Variants in CREB5 observed in about 807,000 individuals in gnomAD.
The protein encoded by CREB5 is cAMP responsive element binding protein 5, also known as cyclic AMP-responsive element-binding protein 5.
In CREB5, 19 loss-of-function variants were observed where a neutral mutation model predicts 57.1. The observed-to-expected ratio is 0.33, with a 90% CI of 0.23 to 0.49. The LOEUF (loss-of-function observed/expected upper bound fraction) is 0.49, where lower values mean the gene tolerates loss of function less well. Ranked by LOEUF, CREB5 falls within the 20% of genes least tolerant of loss-of-function variation. The pLI, the probability that CREB5 is intolerant of heterozygous loss-of-function variation, is 0.99. For missense variants in CREB5, 579 were observed against 671.6 expected, an observed-to-expected ratio of 0.86 and a Z score of 1.52; for synonymous variants, 238 against 238.3, an observed-to-expected ratio of 1.00 and a Z score of 0.01.
chr7:28,715,672 G>A (rs1487830407), intron 5 of CREB5, among the ~76,000 whole-genome samples: 2 of 152,056 alleles, frequency 1.3e-5, no homozygotes, highest in Non-Finnish European at 2.9e-5. Flanking sequence ...TTCAGTTTTT[G>A]TAGTTTTAAA....
intron 7 of CREB5, among the ~76,000 whole-genome samples, chr7:28,733,495 A>G (rs1056777310): frequency 6.6e-6 from 1 of 152,282 alleles, no homozygotes; most frequent in African/African-American, 2.4e-5. Context: ...CTAGACTTGC[A>G]TACAATCCCT....
chr7:28,416,073 T>G (rs42717), intron 1 of CREB5, among the ~76,000 whole-genome samples: 151,771 of 152,310 alleles, frequency 1, 75,617 homozygotes, highest in East Asian at 1. Flanking sequence ...TGATATTTAG[T>G]CTGTGCTGTA....
intron 5 of CREB5, among the ~76,000 whole-genome samples, chr7:28,709,357 A>G (rs1207435558): frequency 2.6e-5 from 4 of 152,232 alleles, no homozygotes; most frequent in Non-Finnish European, 5.9e-5. Flanking sequence ...ATAGTACATT[A>G]GAAACCAATC....
intron 1 of CREB5, among the ~76,000 whole-genome samples, chr7:28,353,817 T>G (rs1395929445): frequency 7.0e-5 from 7 of 100,266 alleles, no homozygotes; most frequent in South Asian, 3.4e-4. Flanking sequence ...CACTCCAGCC[T>G]GGGGAACAAA....
intron 7 of CREB5, among the ~76,000 whole-genome samples, chr7:28,732,154 T>C (rs1356704329): frequency 6.6e-6 from 1 of 151,974 alleles, no homozygotes; most frequent in Non-Finnish European, 1.5e-5. Context: ...CCCTACCTTC[T>C]CCACCCTCAC....
At chr7:28,422,363 T>C (rs1788305782) in intron 1 of CREB5, among the ~76,000 whole-genome samples, 1 of 152,008 alleles carries the variant, frequency 6.6e-6, no homozygotes, top group African/African-American at 2.4e-5. Context: ...TCTCAGAAAT[T>C]AGTGACCTCC....
chr7:28,660,632 TA>T (rs1014343535), intron 5 of CREB5, among the ~76,000 whole-genome samples: 1 of 151,922 alleles, frequency 6.6e-6, no homozygotes, highest in Non-Finnish European at 1.5e-5. Flanking sequence ...AGTCCTATAG[TA>T]AAAAAAAGTC....
chr7:28,366,688 C>T (rs1192999848), intron 1 of CREB5, among the ~76,000 whole-genome samples: 1 of 152,184 alleles, frequency 6.6e-6, no homozygotes, highest in East Asian at 1.9e-4. Context: ...AAGTTCTCCT[C>T]CAATTTTCTG....
chr7:28,790,634 C>T (rs1411707450), intron 7 of CREB5, among the ~76,000 whole-genome samples: 3 of 152,190 alleles, frequency 2.0e-5, no homozygotes, highest in Non-Finnish European at 4.4e-5. Flanking sequence ...CAGACCAGAA[C>T]CAAGTGGTGA....
intron 3 of CREB5, among the ~76,000 whole-genome samples, chr7:28,498,432 C>T (rs1483978651): frequency 1.3e-5 from 2 of 152,116 alleles, no homozygotes; most frequent in Admixed American, 6.5e-5. Context: ...TGGAAAATCA[C>T]TTTATCCTTA....
intron 4 of CREB5, among the ~76,000 whole-genome samples, chr7:28,547,182 G>A (rs1460418683): frequency 6.6e-6 from 1 of 152,194 alleles, no homozygotes; most frequent in African/African-American, 2.4e-5. Flanking sequence ...AGAATATAGG[G>A]ACATTTAGTC....
intron 3 of CREB5, among the ~76,000 whole-genome samples, chr7:28,499,462 C>T (rs934378374): frequency 3.3e-5 from 5 of 151,970 alleles, no homozygotes; most frequent in Admixed American, 2.6e-4. Context: ...GATTGTGTTG[C>T]CTGGAGGGAG....
At chr7:28,693,382 G>A (rs1424738355) in intron 5 of CREB5, among the ~76,000 whole-genome samples, 2 of 152,224 alleles carry the variant, frequency 1.3e-5, no homozygotes, top group Non-Finnish European at 2.9e-5. Flanking sequence ...GCAAATCAAA[G>A]ATCTTGAATT....
intron 1 of CREB5, among the ~76,000 whole-genome samples, chr7:28,425,074 T>C (rs1037184108): frequency 3.9e-5 from 6 of 152,198 alleles, no homozygotes; most frequent in African/African-American, 1.4e-4. Context: ...GTTGTACAGA[T>C]TGTTTTGTCA....
Position 28,600,934 on chromosome 7 carries a change from C to G in CREB5, c.464+30397C>G, listed in dbSNP as rs113388220. On this transcript the variant is annotated intron_variant, in intron 5 of 10. Transcript: ENST00000357727. The stretch of plus-strand genomic sequence containing the variant: ...ACAGCCTCTTTGGCTTCCCTGCCCC[C>G]CTAAGATTTTCGTAAAGGATCATGT... Among the ~76,000 whole-genome samples, 69 of 152,218 alleles carry G rather than the reference C, an allele frequency of 4.5e-4. 2 individuals carry two copies. Among genetic ancestry groups the G allele is most frequent in the African/African-American group, 1.4e-3 (58 of 41,552 alleles).
At chr7:28,510,481 T>A (rs1222537782) in intron 4 of CREB5, among the ~76,000 whole-genome samples, 1 of 152,238 alleles carries the variant, frequency 6.6e-6, no homozygotes, top group African/African-American at 2.4e-5. Context: ...TTTCTATGTG[T>A]CTTACACAAA....
intron 5 of CREB5, among the ~76,000 whole-genome samples, chr7:28,595,589 C>A (rs1391358781): frequency 6.6e-6 from 1 of 152,128 alleles, no homozygotes; most frequent in Non-Finnish European, 1.5e-5. Context: ...CTAAACAGGT[C>A]TTTTAGGGGT....
rs948971252 is a variant in CREB5, at chr7:28,308,773, T to C, written c.-25+9332T>C. Among the ~76,000 whole-genome samples, 4 of 152,226 alleles carry C rather than the reference T, an allele frequency of 2.6e-5. No homozygotes were observed. The South Asian group carries it at 8.3e-4, about 32-fold the overall frequency. On this transcript the variant is annotated intron_variant, in intron 1 of 9. Transcript: ENST00000396299. ...GTCTTCATCCAGGTATAAGACCTTT[T>C]AGACTTCCGGTTTCGGCAATGAGTT...
chr7:28,494,868 C>G, intron 2 of CREB5, 38 bp from the exon 3 acceptor site: 228 of 1,270,444 alleles, frequency 1.8e-4, no homozygotes, highest in Non-Finnish European at 2.2e-4. Flanking sequence ...CTGAATGGCT[C>G]CTCTTCTCCC....
Sources: allele counts gnomAD v4.1 joint callset (sites outside exome capture counted in the v4.1 genomes callset), GRCh38; gene constraint gnomAD v4.1.1; transcripts MANE v1.5; gene names NCBI Gene and HGNC (gene_info 2026-07-23, HGNC 2026-07-21).